The following SYCP1 variants were observed in gnomAD, a reference collection of about 807,000 sequenced individuals.
The protein encoded by SYCP1 is cancer/testis antigen 8.
A neutral mutation model predicts 153.1 loss-of-function variants in SYCP1; 64 were observed. That is an observed-to-expected ratio of 0.42 (90% CI 0.34 to 0.51). SYCP1 has a LOEUF of 0.51. SYCP1 is among the 20% of genes least tolerant of loss of function. SYCP1 has a pLI of 0.06. For missense variants in SYCP1, 997 were observed against 1,049.0 expected (o/e 0.95, Z 0.68); for synonymous variants, 384 against 341.8 (o/e 1.12, Z -1.36).
At position 114,865,931 on chromosome 1, in the gene SYCP1, G is replaced by GT. The variant is rs1272250479; in HGVS notation, c.598+5123dup. Among the ~76,000 whole-genome samples the GT allele has an allele frequency of 9.9e-5, 15 of 152,142 alleles. No individual in the cohort carries two copies. In the East Asian group the frequency reaches 2.7e-3, roughly 27 times the overall value. ...AATGTTATGTAGTTCGAATCCTACAGTACGTAGGCTTTTCATATTGGCTTC... is the reference window on the plus strand; with the variant it reads ...AATGTTATGTAGTTCGAATCCTACAGTTACGTAGGCTTTTCATATTGGCTTC... On this transcript the variant is annotated intron_variant, in intron 8 of 31. Transcript: ENST00000369522.
intron 16 of SYCP1, among the ~76,000 whole-genome samples, chr1:114,907,726 C>T (rs867781514): frequency 8.6e-5 from 13 of 151,854 alleles, no homozygotes; most frequent in African/African-American, 1.9e-4. Context: ...GGACTACAGG[C>T]GCCCGCCATG....
Position 114,964,153 on chromosome 1 carries a change from TG to T in SYCP1, c.2323-13402del, listed in dbSNP as rs1367881370. On this transcript the variant is annotated intron_variant, in intron 27 of 31. Coordinates refer to ENST00000369522, the MANE Select transcript of SYCP1 (RefSeq NM_003176.4). ...TGATGAGCTTTTTTTTCATGTTTGT[TG>T]GCTGCAAAAATGTCTTCTTTTGAGA... Among the ~76,000 whole-genome samples the T allele has an allele frequency of 3.3e-5, 5 of 152,188 alleles. No individual in the cohort carries two copies. In the South Asian group the frequency reaches 1.0e-3, roughly 31 times the overall value.
intron 15 of SYCP1, among the ~76,000 whole-genome samples, chr1:114,889,158 G>A (rs1321883009): frequency 1.3e-5 from 2 of 151,990 alleles, no homozygotes; most frequent in Non-Finnish European, 2.9e-5. Flanking sequence ...TAGTGCTGCA[G>A]TAAACATATG....
intron 27 of SYCP1, among the ~76,000 whole-genome samples, chr1:114,974,295 T>C (rs1188030676): frequency 6.6e-6 from 1 of 151,950 alleles, no homozygotes; most frequent in Non-Finnish European, 1.5e-5. Context: ...TATTTAGCAC[T>C]TTTATGTTGA....
chr1:114,968,399 C>T (rs1323188712), intron 27 of SYCP1, among the ~76,000 whole-genome samples: 1 of 152,172 alleles, frequency 6.6e-6, no homozygotes, highest in African/African-American at 2.4e-5. Context: ...TTTCTCTAAT[C>T]TTGTCTTCAC....
At chr1:114,934,096 A>G (rs1398307035) in intron 23 of SYCP1, among the ~76,000 whole-genome samples, 1 of 152,178 alleles carries the variant, frequency 6.6e-6, no homozygotes, top group Admixed American at 6.5e-5. Flanking sequence ...AGCAACTCCA[A>G]GATACATAAT....
In SYCP1 at chr1:114,902,040, C is replaced by T. The variant is rs554168752; in HGVS notation, c.1320+6531C>T. On this transcript the variant is annotated intron_variant, in intron 16 of 31. Transcript: ENST00000369522. ...CTGGGGGAGGGGGAGACTCCACGGG[C>T]GCTTGGCAGGGAGTGCCAGCCAGCC... Among the ~76,000 whole-genome samples the T allele has an allele frequency of 2.5e-4, 38 of 151,508 alleles. No homozygotes were observed. In the South Asian group the frequency reaches 5.7e-3, roughly 23 times the overall value.
chr1:114,956,846 T>C (rs1671468031), intron 27 of SYCP1, among the ~76,000 whole-genome samples: 1 of 148,598 alleles, frequency 6.7e-6, no homozygotes, highest in Non-Finnish European at 1.5e-5. Context: ...ATCACTAGAA[T>C]CACTGAGAAC....
At chr1:114,959,744 C>T (rs888315889) in intron 27 of SYCP1, among the ~76,000 whole-genome samples, 1 of 152,054 alleles carries the variant, frequency 6.6e-6, no homozygotes, top group Non-Finnish European at 1.5e-5. Context: ...TCCCTACTAC[C>T]CTTCCCAGCC....
At chr1:114,929,025 CA>C (rs1009266414) in intron 23 of SYCP1, among the ~76,000 whole-genome samples, 3 of 152,148 alleles carry the variant, frequency 2.0e-5, no homozygotes, top group African/African-American at 2.4e-5. Context: ...CATTGTGTCT[CA>C]AATGGCAGAA....
At position 114,946,386 on chromosome 1, in the gene SYCP1, G is replaced by A; in HGVS notation, c.2247+5G>A. On this transcript the variant is annotated splice_donor_5th_base_variant and intron_variant, in intron 26 of 31. Transcript: ENST00000369522. ...TCATCACTGAGAGCATCTTTGGTGA[G>A]ATACAGAAAAAATTGCAGTAACGGC... is the stretch of plus-strand genomic sequence containing the variant. The A allele has an allele frequency of 6.4e-7, 1 of 1,570,498 alleles. No individual in the cohort carries two copies.
chr1:114,869,160 T>C (rs1343568285), intron 8 of SYCP1, among the ~76,000 whole-genome samples: 2 of 152,208 alleles, frequency 1.3e-5, no homozygotes, highest in East Asian at 3.8e-4. Flanking sequence ...TCTTTTCCAA[T>C]TTATGCATTC....
intron 23 of SYCP1, among the ~76,000 whole-genome samples, chr1:114,931,526 T>A (rs1387175708): frequency 6.6e-6 from 1 of 152,110 alleles, no homozygotes; most frequent in African/African-American, 2.4e-5. Flanking sequence ...TTTTACAAAA[T>A]GTGTGCAAGA....
chr1:114,907,567 T>A (rs935928180), intron 16 of SYCP1, among the ~76,000 whole-genome samples: 1 of 151,882 alleles, frequency 6.6e-6, no homozygotes, highest in South Asian at 2.1e-4. Flanking sequence ...TACCACTTCA[T>A]GTTAAATGTT....
chr1:114,995,124 A>G lies in SYCP1; in HGVS notation c.*105A>G. ...AATTTTATCTGGAAGTTGAGACTTA[A>G]AAAATACTTGCATGAATGATTTGTG... On this transcript the variant is annotated 3_prime_UTR_variant, in exon 32 of 32. Coordinates refer to ENST00000369522, the MANE Select transcript of SYCP1 (RefSeq NM_003176.4). 2 of 1,119,800 alleles carry G rather than the reference A, an allele frequency of 1.8e-6. No individual in the cohort carries two copies. Among genetic ancestry groups the G allele is most frequent in the Non-Finnish European group, 2.4e-6 (2 of 817,080 alleles). 69.4% of individuals were successfully genotyped at this position (1,119,800 alleles called of 1,614,324 possible).
At chr1:114,854,541 C>G (rs138394032), upstream of SYCP1, among the ~76,000 whole-genome samples, 71 of 152,358 alleles carry the variant, frequency 4.7e-4, no homozygotes, top group Middle Eastern at 0.017. Flanking sequence ...GCCACTTTGC[C>G]TACGTCCTTA....
chr1:114,953,886 TCTTTA>T (rs905640540), intron 27 of SYCP1, among the ~76,000 whole-genome samples: 13 of 152,204 alleles, frequency 8.5e-5, no homozygotes, highest in Non-Finnish European at 1.6e-4. Flanking sequence ...AAAATTGACA[TCTTTA>T]CTTTGTTGAG....
intron 16 of SYCP1, among the ~76,000 whole-genome samples, chr1:114,902,452 A>ATTGTACATATTTCATAGGGTGATTGTG (rs1557784908): frequency 6.6e-6 from 1 of 151,126 alleles, no homozygotes; most frequent in African/African-American, 2.5e-5. Flanking sequence ...TGAAAAGGAC[A>ATTGTACATATTTCATAGGGTGATTGTG]AAAAGGGCCA....
intron 21 of SYCP1, among the ~76,000 whole-genome samples, chr1:114,925,424 A>G (rs1570783626): frequency 6.6e-6 from 1 of 152,142 alleles, no homozygotes; most frequent in Non-Finnish European, 1.5e-5. Flanking sequence ...TGCATGACAA[A>G]TTTTTAGCAT....
Sources: allele counts gnomAD v4.1 joint callset (sites outside exome capture counted in the v4.1 genomes callset), GRCh38; gene constraint gnomAD v4.1.1; transcripts MANE v1.5; gene names NCBI Gene and HGNC (gene_info 2026-07-23, HGNC 2026-07-21).